The following MCTP1 variants were observed in gnomAD, a reference collection of about 807,000 sequenced individuals.
The protein encoded by MCTP1 is multiple C2 and transmembrane domain-containing protein 1.
A neutral mutation model predicts 120.6 loss-of-function variants in MCTP1; 69 were observed. The ratio of observed to expected loss-of-function variants is 0.57; its 90% confidence interval spans 0.47 to 0.70. The LOEUF (loss-of-function observed/expected upper bound fraction) is 0.70, where lower values mean the gene tolerates loss of function less well. Ranked by LOEUF, MCTP1 falls within the 30% of genes least tolerant of loss-of-function variation. The pLI is 0.00. For missense variants in MCTP1, 1,203 were observed against 1,248.8 expected, an observed-to-expected ratio of 0.96 and a Z score of 0.55; for synonymous variants, 529 against 493.1, an observed-to-expected ratio of 1.07 and a Z score of -0.96.
intron 1 of MCTP1, among the ~76,000 whole-genome samples, chr5:95,085,192 A>G (rs910694878): frequency 6.6e-6 from 1 of 151,904 alleles, no homozygotes; most frequent in African/African-American, 2.4e-5. Flanking sequence ...TACCTATCCC[A>G]TTACCTATCC....
intron 1 of MCTP1, among the ~76,000 whole-genome samples, chr5:95,224,506 C>CTTTT (rs11324947): frequency 9.0e-6 from 1 of 111,378 alleles, no homozygotes; most frequent in Non-Finnish European, 1.9e-5. Flanking sequence ...CACAGACTGT[C>CTTTT]TTTTTTTTTT....
At chr5:94,947,577 T>TATATATATAG in intron 3 of MCTP1, among the ~76,000 whole-genome samples, 17 of 47,398 alleles carry the variant, frequency 3.6e-4, no homozygotes, top group African/African-American at 8.3e-4. Flanking sequence ...TATATATATA[T>TATATATATAG]AGAGAGAGAG....
At chr5:95,279,207 ATAT>A (rs1283393763) in intron 1 of MCTP1, among the ~76,000 whole-genome samples, 1 of 152,220 alleles carries the variant, frequency 6.6e-6, no homozygotes, top group East Asian at 1.9e-4. Context: ...TATCAAAAAT[ATAT>A]TATTAACCTT....
At chr5:95,128,315 C>T (rs745660478) in intron 1 of MCTP1, among the ~76,000 whole-genome samples, 3 of 152,194 alleles carry the variant, frequency 2.0e-5, no homozygotes, top group Admixed American at 6.5e-5. Flanking sequence ...ACCATATGAC[C>T]GAGCAATTAT....
At chr5:95,110,521 A>G (rs1757377266) in intron 1 of MCTP1, among the ~76,000 whole-genome samples, 3 of 152,190 alleles carry the variant, frequency 2.0e-5, no homozygotes, top group Admixed American at 1.3e-4. Flanking sequence ...ATTGGATGTT[A>G]TGTGAGTTAA....
rs70978170 is a variant in MCTP1 at position 95,134,992 on chromosome 5, C to CAAAAAAAA, written c.721-117516_721-117509dup. Reference sequence around the variant, plus strand: ...TCTCGATTTACTGTTGCCTGATGGCCAAAAAAAAAAAAAAAAAAAAAAAAA... The same window carrying CAAAAAAAA: ...TCTCGATTTACTGTTGCCTGATGGCCAAAAAAAAAAAAAAAAAAAAAAAAAAAAAAAAA... On this transcript the variant is annotated intron_variant, in intron 1 of 22. Transcript: ENST00000515393. Among the ~76,000 whole-genome samples, 7 of 35,310 alleles carry CAAAAAAAA rather than the reference C, an allele frequency of 2.0e-4. 2 individuals are homozygous for CAAAAAAAA. The highest frequency in any genetic ancestry group is 1.5e-3 in the East Asian group (1 of 670). 23.2% of individuals were successfully genotyped at this position (35,310 alleles called of 152,430 possible). A position where few individuals can be genotyped will look rare whatever the true frequency, so the allele number is the denominator to read the frequency against.
intron 19 of MCTP1, among the ~76,000 whole-genome samples, chr5:94,733,963 G>GAAAAAA (rs34669127): frequency 7.4e-6 from 1 of 134,356 alleles, no homozygotes; most frequent in Non-Finnish European, 1.6e-5. Flanking sequence ...GACTCTGTCT[G>GAAAAAA]AAAAAAAAAA....
At chr5:94,867,595 A>T in intron 17 of MCTP1, 1 of 413,090 alleles carries the variant, frequency 2.4e-6, no homozygotes, top group Non-Finnish European at 4.3e-6. Flanking sequence ...CAAAAGAATG[A>T]CTCTACTTAA....
At position 95,027,132 on chromosome 5, in the gene MCTP1, T is replaced by C. The variant is rs532381216; in HGVS notation, c.721-9648A>G. 4.6e-5 allele frequency among the ~76,000 whole-genome samples: 7 copies of C among 152,340 alleles called. No homozygotes were observed. The East Asian group carries it at 1.3e-3, about 29-fold the overall frequency. On this transcript the variant is annotated intron_variant, in intron 1 of 22. Coordinates refer to ENST00000515393, the MANE Select transcript of MCTP1 (RefSeq NM_024717.7). ...GTATCTGTCAAGGAAACACTATGAT[T>C]ATCTGGAAGTCAATTGATTAAGTGA...
Position 94,708,564 on chromosome 5 carries a change from T to G in MCTP1, c.2876A>C (p.Asp959Ala). The change falls in exon 22 of 23, where the codon GAT becomes GCT. Residue 959 changes from aspartate to alanine, a missense_variant. Coordinates refer to ENST00000515393, the MANE Select transcript of MCTP1 (RefSeq NM_024717.7). ...TKKLRSPYAI[D>A]NNELLDFLSR... is the part of the protein sequence containing the mutation. Reference sequence around the variant, plus strand: ...AAGGAAGTCAAGTAGTTCATTGTTATCAATTGCATATGGACTCCGAAGCTT... The same window carrying G: ...AAGGAAGTCAAGTAGTTCATTGTTAGCAATTGCATATGGACTCCGAAGCTT... The G allele has an allele frequency of 2.5e-6, 4 of 1,611,712 alleles. No homozygotes were observed. Among genetic ancestry groups the G allele is most frequent in the Non-Finnish European group, 3.4e-6 (4 of 1,178,382 alleles).
At chr5:95,162,642 A>G (rs934667894) in intron 1 of MCTP1, among the ~76,000 whole-genome samples, 1 of 152,210 alleles carries the variant, frequency 6.6e-6, no homozygotes, top group Non-Finnish European at 1.5e-5. Flanking sequence ...CCATGATCCA[A>G]TGTGAAACTG....
intron 2 of MCTP1, among the ~76,000 whole-genome samples, chr5:94,973,376 T>C (rs1056564623): frequency 3.3e-5 from 5 of 152,200 alleles, no homozygotes; most frequent in Non-Finnish European, 5.9e-5. Context: ...AGAGACAAGA[T>C]TGTATACTAG....
At chr5:94,794,974 G>A (rs1012357887) in intron 18 of MCTP1, among the ~76,000 whole-genome samples, 6 of 152,122 alleles carry the variant, frequency 3.9e-5, no homozygotes, top group African/African-American at 1.4e-4. Flanking sequence ...CTGGTGGTTC[G>A]GAGTATAAAC....
chr5:94,718,645 G>A (rs765032817), intron 19 of MCTP1, among the ~76,000 whole-genome samples: 1 of 151,908 alleles, frequency 6.6e-6, no homozygotes, highest in Non-Finnish European at 1.5e-5. Context: ...GAATCTACAA[G>A]AACTTAAATT....
chr5:95,135,773 C>T (rs1384072645), intron 1 of MCTP1, among the ~76,000 whole-genome samples: 1 of 152,120 alleles, frequency 6.6e-6, no homozygotes, highest in Non-Finnish European at 1.5e-5. Flanking sequence ...TAATAAACTC[C>T]CCTTTATATA....
At chr5:94,735,779 C>T (rs1262937671) in intron 19 of MCTP1, among the ~76,000 whole-genome samples, 1 of 78,500 alleles carries the variant, frequency 1.3e-5, no homozygotes, top group Non-Finnish European at 2.5e-5. Context: ...AAAATTGCTA[C>T]ACTAAAAGAG....
At chr5:95,078,881 C>T (rs1362302481) in intron 1 of MCTP1, among the ~76,000 whole-genome samples, 3 of 152,022 alleles carry the variant, frequency 2.0e-5, no homozygotes, top group African/African-American at 7.3e-5. Context: ...GTAAGAAAAA[C>T]AGATAGTTCA....
chr5:94,914,799 G>T, intron 8 of MCTP1, among the ~76,000 whole-genome samples: 1 of 152,226 alleles, frequency 6.6e-6, no homozygotes, highest in East Asian at 1.9e-4. Context: ...TTGTTGAACA[G>T]AGGACTTCTC....
chr5:94,942,265 G>C, intron 4 of MCTP1, 83 bp downstream of exon 4: 1 of 1,002,894 alleles, frequency 1.0e-6, no homozygotes, highest in Middle Eastern at 2.1e-4. Flanking sequence ...GACAGAACTA[G>C]ACCCCAGATC....
Sources: allele counts gnomAD v4.1 joint callset (sites outside exome capture counted in the v4.1 genomes callset), GRCh38; gene constraint gnomAD v4.1.1; transcripts MANE v1.5; gene names NCBI Gene and HGNC (gene_info 2026-07-23, HGNC 2026-07-21).